The following CADM2 variants were observed in gnomAD, a reference collection of about 807,000 sequenced individuals.
CADM2 encodes the protein cell adhesion molecule 2.
Under a neutral mutation model 49.8 loss-of-function variants are expected in CADM2, and 12 were observed. The observed-to-expected ratio is 0.24, with a 90% CI of 0.15 to 0.39. CADM2 has a LOEUF of 0.39. CADM2 is among the 10% of genes least tolerant of loss of function. The pLI, the probability that CADM2 is intolerant of heterozygous loss-of-function variation, is 1.00. For missense variants in CADM2, 378 were observed against 492.3 expected (o/e 0.77, Z 2.20); for synonymous variants, 214 against 175.4 (o/e 1.22, Z -1.74).
At chr3:85,618,269 C>T (rs1399978133) in intron 1 of CADM2, among the ~76,000 whole-genome samples, 1 of 151,696 alleles carries the variant, frequency 6.6e-6, no homozygotes, top group African/African-American at 2.4e-5. Context: ...ACCTTTTTTC[C>T]CCAATAAAAG....
chr3:85,442,450 T>C (rs764182184), intron 1 of CADM2, among the ~76,000 whole-genome samples: 103 of 138,748 alleles, frequency 7.4e-4, no homozygotes, highest in African/African-American at 2.6e-3. Context: ...AACAAGTACA[T>C]GTACATTTAT....
intron 8 of CADM2, among the ~76,000 whole-genome samples, chr3:86,018,813 C>G (rs1179334418): frequency 2.0e-5 from 3 of 151,490 alleles, no homozygotes; most frequent in African/African-American, 4.9e-5. Context: ...AAAATTTTCT[C>G]CCATTTTGTA....
At chr3:85,246,886 G>T (rs2042661424) in intron 1 of CADM2, among the ~76,000 whole-genome samples, 1 of 152,008 alleles carries the variant, frequency 6.6e-6, no homozygotes, top group Admixed American at 6.6e-5. Flanking sequence ...TTGTGTGAGA[G>T]ATTTCTTATT....
intron 3 of CADM2, among the ~76,000 whole-genome samples, chr3:85,814,655 C>A (rs1176367140): frequency 6.6e-6 from 1 of 151,864 alleles, no homozygotes; most frequent in Non-Finnish European, 1.5e-5. Context: ...AGAGAAGAAT[C>A]AAATAGACAC....
chr3:85,716,852 T>A (rs377515530), intron 1 of CADM2, among the ~76,000 whole-genome samples: 5 of 152,292 alleles, frequency 3.3e-5, no homozygotes, highest in South Asian at 2.1e-4. Flanking sequence ...TCCATTGGTC[T>A]ATATATCTGA....
intron 1 of CADM2, among the ~76,000 whole-genome samples, chr3:85,140,636 G>C (rs2039549339): frequency 6.6e-6 from 1 of 152,168 alleles, no homozygotes; most frequent in South Asian, 2.1e-4. Context: ...ATTGTGTTGA[G>C]TTTGAAGATC....
chr3:85,813,936 C>T (rs1387071821), intron 3 of CADM2, among the ~76,000 whole-genome samples: 1 of 152,132 alleles, frequency 6.6e-6, no homozygotes, highest in African/African-American at 2.4e-5. Context: ...GTATTGGTTA[C>T]TGTAGCCTTG....
chr3:85,550,243 G>A (rs1173958071), intron 1 of CADM2, among the ~76,000 whole-genome samples: 1 of 152,154 alleles, frequency 6.6e-6, no homozygotes, highest in African/African-American at 2.4e-5. Flanking sequence ...GATGTGGGGT[G>A]CATTGTATAT....
At chr3:85,071,034 A>C (rs2036724270) in intron 1 of CADM2, among the ~76,000 whole-genome samples, 1 of 151,396 alleles carries the variant, frequency 6.6e-6, no homozygotes, top group African/African-American at 2.4e-5. Flanking sequence ...AAATAAATAA[A>C]TAAATAAAAT....
intron 1 of CADM2, among the ~76,000 whole-genome samples, chr3:85,209,417 C>T (rs1401359119): frequency 1.3e-5 from 2 of 152,102 alleles, no homozygotes; most frequent in South Asian, 2.1e-4. Flanking sequence ...GTTGATTTCC[C>T]GAGATCAGAA....
At chr3:86,033,752 AATAT>A (rs1207610582) in intron 8 of CADM2, among the ~76,000 whole-genome samples, 2 of 145,772 alleles carry the variant, frequency 1.4e-5, no homozygotes, top group Non-Finnish European at 3.0e-5. Flanking sequence ...CCCATAAAGA[AATAT>A]ATATATATAC....
chr3:85,054,626 C>A (rs1032721758), intron 1 of CADM2, among the ~76,000 whole-genome samples: 7 of 151,788 alleles, frequency 4.6e-5, no homozygotes, highest in African/African-American at 2.4e-5. Context: ...TGGTACTAGT[C>A]GAAAAGGAGA....
At chr3:85,035,663 A>C (rs540455602) in intron 1 of CADM2, among the ~76,000 whole-genome samples, 1 of 152,154 alleles carries the variant, frequency 6.6e-6, no homozygotes, top group African/African-American at 2.4e-5. Flanking sequence ...TCCCAGCACA[A>C]TTTATTGAAG....
intron 1 of CADM2, among the ~76,000 whole-genome samples, chr3:85,690,335 CTT>C (rs10547651): frequency 0.18 from 26,683 of 151,976 alleles, 2,915 homozygotes; most frequent in Non-Finnish European, 0.24. Context: ...AAAGTTTAGA[CTT>C]TACTGTTTTG....
Position 85,212,654 on chromosome 3 carries a change from A to G in CADM2, c.61+252986A>G, listed in dbSNP as rs371785284. Among the ~76,000 whole-genome samples, 17 of 152,044 alleles carry G rather than the reference A, an allele frequency of 1.1e-4. No individual in the cohort carries two copies. The East Asian group carries it at 3.3e-3, about 30-fold the overall frequency. On this transcript the variant is annotated intron_variant, in intron 1 of 9. Coordinates refer to ENST00000383699, the MANE Select transcript of CADM2 (RefSeq NM_001167675.2). ...TATATGTTATTTTACTATGTCTTGA[A>G]AAATTGTTATAGGTATTTTTTGATA...
At chr3:85,964,427 G>A (rs1378667028) in intron 8 of CADM2, among the ~76,000 whole-genome samples, 1 of 149,008 alleles carries the variant, frequency 6.7e-6, no homozygotes, top group Non-Finnish European at 1.5e-5. Context: ...TCTGGATGCC[G>A]TCATAATAGT....
At chr3:85,470,952 A>G (rs2038739547) in intron 1 of CADM2, among the ~76,000 whole-genome samples, 1 of 152,220 alleles carries the variant, frequency 6.6e-6, no homozygotes, top group South Asian at 2.1e-4. Flanking sequence ...ATAACTTGAA[A>G]ATACAGGCAA....
At chr3:85,639,539 T>A (rs1045884534) in intron 1 of CADM2, among the ~76,000 whole-genome samples, 1 of 152,140 alleles carries the variant, frequency 6.6e-6, no homozygotes, top group Non-Finnish European at 1.5e-5. Context: ...TGTCTTACTG[T>A]TTTTTTCATG....
At chr3:86,054,241 G>C (rs570002632) in intron 8 of CADM2, among the ~76,000 whole-genome samples, 2 of 151,918 alleles carry the variant, frequency 1.3e-5, no homozygotes, top group Non-Finnish European at 2.9e-5. Context: ...TTGTAACTGA[G>C]AAACTGGTTC....
Sources: gnomAD v4.1 joint callset for allele counts (sites outside exome capture counted in the v4.1 genomes callset) on GRCh38, gnomAD v4.1.1 for gene constraint, MANE v1.5 for transcripts, NCBI Gene and HGNC (gene_info 2026-07-23, HGNC 2026-07-21) for gene names.